PCDHGC3: variants seen among roughly 807,000 people sequenced by gnomAD.
PCDHGC3 encodes the protein protocadherin gamma subfamily C, 3.
Under a neutral mutation model 59.2 loss-of-function variants are expected in PCDHGC3, and 26 were observed. The observed-to-expected ratio is 0.44, with a 90% confidence interval of 0.32 to 0.61. The LOEUF (loss-of-function observed/expected upper bound fraction) is 0.61. Among genes scored for constraint, PCDHGC3 ranks in the 20% least tolerant of loss-of-function variants. PCDHGC3 has a pLI of 0.05. For missense variants in PCDHGC3, 1,080 were observed against 1,221.8 expected, an observed-to-expected ratio of 0.88 and a Z score of 1.73; for synonymous variants, 487 against 519.7, an observed-to-expected ratio of 0.94 and a Z score of 0.86.
chr5:141,477,052 C>T lies in PCDHGC3; in HGVS notation c.936C>T (p.Phe312=). Residue 312 remains phenylalanine (F), a synonymous_variant, in exon 1 of 4, where the codon TTC becomes TTT. Coordinates refer to ENST00000308177, the MANE Select transcript of PCDHGC3 (RefSeq NM_002588.4). The surrounding 1 kb of genome is among the most constrained non-coding windows in gnomAD (Gnocchi z 4.9). ...TGACAATCAAGGGTCGGCTGGACTT[C>T]GAGGACACCAAACTCCATGAGATTT... ...GMLTIKGRLD[F]EDTKLHEIYI... 1.2e-6 allele frequency: 2 copies of T among 1,614,240 alleles called. No individual in the cohort carries two copies. The highest frequency in any genetic ancestry group is 1.7e-6 in the Non-Finnish European group (2 of 1,180,032).
chr5:141,500,883 T>G (rs1250275850), intron 2 of PCDHGC3, among the ~76,000 whole-genome samples: 2 of 97,532 alleles, frequency 2.1e-5, no homozygotes, highest in African/African-American at 1.2e-4. Context: ...TACAATTTTT[T>G]TTTTTTGAGA....
Position 141,489,268 on chromosome 5 carries a change from G to T in PCDHGC3, c.2431-5539G>T. On this transcript the variant is annotated intron_variant, in intron 1 of 3. Transcript: ENST00000308177. This position sits in a 1 kb window ranked among gnomAD's most constrained non-coding sequence, Gnocchi z 4.5. The stretch of plus-strand genomic sequence containing the variant: ...GGGGCCCAAGACACTCCCACAGCTC[G>T]CTGGGAAATGGCAAGTGCTGTGCAT... The T allele has an allele frequency of 3.9e-6, 6 of 1,553,284 alleles. No homozygotes were observed. The South Asian group carries it at 5.0e-5, about 13-fold the overall frequency.
chr5:141,510,323 C>A (rs1173679711), intron 3 of PCDHGC3, among the ~76,000 whole-genome samples: 1 of 151,234 alleles, frequency 6.6e-6, no homozygotes, highest in East Asian at 2.0e-4. Flanking sequence ...TGGAAGAGCA[C>A]TCTTCACCCC....
rs768509409 is a variant in PCDHGC3 at position 141,489,236 on chromosome 5, G to C, written c.2431-5571G>C. 1 of 1,531,176 alleles carries C rather than the reference G, an allele frequency of 6.5e-7. No homozygotes were observed. 94.8% of individuals were successfully genotyped at this position (1,531,176 alleles called of 1,614,324 possible). On this transcript the variant is annotated intron_variant, in intron 1 of 3. Transcript: ENST00000308177. The surrounding 1 kb of genome is among the most constrained non-coding windows in gnomAD (Gnocchi z 4.5). The stretch of plus-strand genomic sequence containing the variant: ...ACTTACTCTCCACAAAGGGACTTCT[G>C]GGTCATGGGGCCCAAGACACTCCCA...
At position 141,489,385 on chromosome 5, in the gene PCDHGC3, G is replaced by C. The variant is rs893348832; in HGVS notation, c.2431-5422G>C. The stretch of plus-strand genomic sequence containing the variant: ...GCCGGGGACGCTGGTGGGGAATGTT[G>C]CTCAGGATCTGGGCTTAAAGATGAC... On this transcript the variant is annotated intron_variant, in intron 1 of 3. Transcript: ENST00000308177. This position sits in a 1 kb window ranked among gnomAD's most constrained non-coding sequence, Gnocchi z 4.5. The C allele has an allele frequency of 6.2e-7, 1 of 1,613,924 alleles. No individual in the cohort carries two copies. Among genetic ancestry groups the C allele is most frequent in the Non-Finnish European group, 8.5e-7 (1 of 1,179,896 alleles).
intron 3 of PCDHGC3, chr5:141,507,335 T>A (rs1228652205): frequency 6.6e-6 from 1 of 151,804 alleles, no homozygotes; most frequent in Non-Finnish European, 1.5e-5. Context: ...TGCTCATTGT[T>A]TACCTGAAAT....
rs2099391466 is a variant in PCDHGC3, at chr5:141,476,424, C to T, written c.308C>T (p.Ser103Phe). ...DREELCGTLP[S>F]CTVTLELVVE... ...GAGGAGCTGTGTGGGACACTGCCCT[C>T]TTGCACTGTAACTCTGGAGTTGGTA... is the stretch of plus-strand genomic sequence containing the variant. The change falls in exon 1 of 4, where the codon TCT becomes TTT. Residue 103 changes from serine to phenylalanine, a missense_variant. Coordinates refer to ENST00000308177, the MANE Select transcript of PCDHGC3 (RefSeq NM_002588.4). This position sits in a 1 kb window ranked among gnomAD's most constrained non-coding sequence, Gnocchi z 7.6. 1 of 1,613,978 alleles carries T rather than the reference C, an allele frequency of 6.2e-7. No individual in the cohort carries two copies. The highest frequency in any genetic ancestry group is 1.1e-5 in the South Asian group (1 of 91,076).
Position 141,511,103 on chromosome 5 carries a change from A to G in PCDHGC3, c.2735A>G (p.Lys912Arg), listed in dbSNP as rs779731716. The G allele has an allele frequency of 6.2e-7, 1 of 1,614,214 alleles. No individual in the cohort carries two copies. The highest frequency in any genetic ancestry group is 8.5e-7 in the Non-Finnish European group (1 of 1,180,026). The change falls in exon 4 of 4, where the codon AAG becomes AGG. Residue 912 changes from lysine to arginine, a missense_variant. By Grantham distance (26) the Lys-to-Arg change is conservative. Coordinates refer to ENST00000308177, the MANE Select transcript of PCDHGC3 (RefSeq NM_002588.4). ...SNATLTNAAGKRDGKAPAGGN... is the reference protein window; with the variant it reads ...SNATLTNAAGRRDGKAPAGGN... ...GCCACACTGACCAACGCAGCTGGCA[A>G]GCGGGATGGCAAGGCCCCAGCAGGT...
Position 141,478,104 on chromosome 5 carries a change from CTG to C in PCDHGC3, c.1992_1993del (p.Val666AsnfsTer6). ...TCGCTCTCCACCACTGCTACCCTCA[CTG>C]TGTCAGTAACCGAGGACTCTCCTGA... On this transcript the variant is annotated frameshift_variant, in exon 1 of 4. Transcript: ENST00000308177. LOFTEE classifies it high-confidence loss of function. 6.2e-7 allele frequency: 1 copy of C among 1,614,118 alleles called. No individual in the cohort carries two copies. The highest frequency in any genetic ancestry group is 1.6e-4 in the Middle Eastern group (1 of 6,062).
At position 141,487,571 on chromosome 5, in the gene PCDHGC3, G is replaced by A; in HGVS notation, c.2431-7236G>A. The A allele has an allele frequency of 4.3e-6, 7 of 1,614,178 alleles. No individual in the cohort carries two copies. The highest frequency in any genetic ancestry group is 5.9e-6 in the Non-Finnish European group (7 of 1,180,038). On this transcript the variant is annotated intron_variant, in intron 1 of 3. Coordinates refer to ENST00000308177, the MANE Select transcript of PCDHGC3 (RefSeq NM_002588.4). This position sits in a 1 kb window ranked among gnomAD's most constrained non-coding sequence, Gnocchi z 5.0. ...CAGTGCACCTATGGCAGGGGAGCCTGTTCGCCCAAGCTGCCCACCCTCTGA... is the reference window on the plus strand; with the variant it reads ...CAGTGCACCTATGGCAGGGGAGCCTATTCGCCCAAGCTGCCCACCCTCTGA...
At position 141,489,318 on chromosome 5, in the gene PCDHGC3, G is replaced by T; in HGVS notation, c.2431-5489G>T. On this transcript the variant is annotated intron_variant, in intron 1 of 3. Coordinates refer to ENST00000308177, the MANE Select transcript of PCDHGC3 (RefSeq NM_002588.4). The surrounding 1 kb of genome is among the most constrained non-coding windows in gnomAD (Gnocchi z 4.5). ...TGTTGTCCTTGTGCTGCTGGGGCTG[G>T]GTGTCTGGGCAGCTTCGTTACTCAG... The T allele has an allele frequency of 6.3e-7, 1 of 1,599,092 alleles. No homozygotes were observed. Among genetic ancestry groups the T allele is most frequent in the Non-Finnish European group, 8.5e-7 (1 of 1,171,660 alleles).
At position 141,476,675 on chromosome 5, in the gene PCDHGC3, C is replaced by T. The variant is rs2099395961; in HGVS notation, c.559C>T (p.Arg187Trp). Residue 187 changes from arginine to tryptophan, a missense_variant, in exon 1 of 4, where the codon CGG becomes TGG. By Grantham distance (101) the Arg-to-Trp change is moderately radical. Transcript: ENST00000308177. The surrounding 1 kb of genome is among the most constrained non-coding windows in gnomAD (Gnocchi z 7.6). ...ATACTTTGCGCTTCGCGTGCAGACG[C>T]GGGAGGACAGCACCAAGTACGCGGA... ...NEYFALRVQTREDSTKYAELV... is the reference protein window; with the variant it reads ...NEYFALRVQTWEDSTKYAELV... 1.2e-6 allele frequency: 2 copies of T among 1,614,124 alleles called. No homozygotes were observed. The highest frequency in any genetic ancestry group is 8.5e-7 in the Non-Finnish European group (1 of 1,180,062).
chr5:141,495,005 C>T (rs555909709), intron 2 of PCDHGC3, 140 bp downstream of exon 2: 1,141 of 1,522,692 alleles, frequency 7.5e-4, no homozygotes, highest in Non-Finnish European at 8.4e-4. Context: ...TCTTGGTGTG[C>T]GGGGGGCTGG....
rs1453835891 is a variant in PCDHGC3 at position 141,477,494 on chromosome 5, T to G, written c.1378T>G (p.Ser460Ala). Residue 460 changes from serine to alanine, a missense_variant, in exon 1 of 4, where the codon TCT (serine) becomes GCT (alanine). Coordinates refer to ENST00000308177, the MANE Select transcript of PCDHGC3 (RefSeq NM_002588.4). The surrounding 1 kb of genome is among the most constrained non-coding windows in gnomAD (Gnocchi z 4.9). ...INDNPPQSSQSSYDVYIEENN... is the reference protein window; with the variant it reads ...INDNPPQSSQASYDVYIEENN... ...TGACAACCCTCCACAATCTTCTCAA[T>G]CTTCCTACGACGTTTACATTGAAGA... 1 of 1,614,088 alleles carries G rather than the reference T, an allele frequency of 6.2e-7. No individual in the cohort carries two copies.
At position 141,490,558 on chromosome 5, in the gene PCDHGC3, A is replaced by G. The variant is rs765890709; in HGVS notation, c.2431-4249A>G. 3.1e-5 allele frequency: 50 copies of G among 1,614,042 alleles called. No individual in the cohort carries two copies. The East Asian group carries it at 1.0e-3, about 34-fold the overall frequency. ...ACCTTCCCTACACAAACATCTCACC[A>G]TCAGGCTCAACATTTCAGATGTCAA... On this transcript the variant is annotated intron_variant, in intron 1 of 3. Transcript: ENST00000308177. This position sits in a 1 kb window ranked among gnomAD's most constrained non-coding sequence, Gnocchi z 5.4.
At position 141,485,359 on chromosome 5, in the gene PCDHGC3, C is replaced by G. The variant is rs1233826208; in HGVS notation, c.2430+6813C>G. 6.2e-7 allele frequency: 1 copy of G among 1,614,026 alleles called. No individual in the cohort carries two copies. The highest frequency in any genetic ancestry group is 8.5e-7 in the Non-Finnish European group (1 of 1,180,018). On this transcript the variant is annotated intron_variant, in intron 1 of 3. Transcript: ENST00000308177. This position sits in a 1 kb window ranked among gnomAD's most constrained non-coding sequence, Gnocchi z 5.7. ...TGGATACGGACAGTCTGTCAGCTCG[C>G]AGGCTGCAGGTCGCTGGAGAGGTGA...
chr5:141,493,021 G>C lies in PCDHGC3; in HGVS notation c.2431-1786G>C, dbSNP rs1261539371. On this transcript the variant is annotated intron_variant, in intron 1 of 3. Transcript: ENST00000308177. This position sits in a 1 kb window ranked among gnomAD's most constrained non-coding sequence, Gnocchi z 4.3. ...AGCTATAGGCTCTGCCAGATGCCAG[G>C]GTGCCCTTATGTGTGAGGAAACTAC... Among the ~76,000 whole-genome samples, 1 of 152,180 alleles carries C rather than the reference G, an allele frequency of 6.6e-6. No individual in the cohort carries two copies. The highest frequency in any genetic ancestry group is 6.5e-5 in the Admixed American group (1 of 15,284).
chr5:141,486,552 A>C lies in PCDHGC3; in HGVS notation c.2430+8006A>C. The C allele has an allele frequency of 6.2e-7, 1 of 1,614,136 alleles. No individual in the cohort carries two copies. The highest frequency in any genetic ancestry group is 1.1e-5 in the South Asian group (1 of 91,082). On this transcript the variant is annotated intron_variant, in intron 1 of 3. Coordinates refer to ENST00000308177, the MANE Select transcript of PCDHGC3 (RefSeq NM_002588.4). This position sits in a 1 kb window ranked among gnomAD's most constrained non-coding sequence, Gnocchi z 5.0. The stretch of plus-strand genomic sequence containing the variant: ...CCACCCTCTTTCTTTCAGAGGTCAC[A>C]TGAGGTGTTTGTTCCTGAGAACAAT...
rs779792543 is a variant in PCDHGC3 at position 141,486,994 on chromosome 5, C to T, written c.2431-7813C>T. ...ATTCAGGTTACAATGCTTGGGTTTCCTATCAGCTCCTGGAGGCCCCAGATC... is the reference window on the plus strand; with the variant it reads ...ATTCAGGTTACAATGCTTGGGTTTCTTATCAGCTCCTGGAGGCCCCAGATC... On this transcript the variant is annotated intron_variant, in intron 1 of 3. Coordinates refer to ENST00000308177, the MANE Select transcript of PCDHGC3 (RefSeq NM_002588.4). This position sits in a 1 kb window ranked among gnomAD's most constrained non-coding sequence, Gnocchi z 5.0. The T allele has an allele frequency of 6.2e-7, 1 of 1,614,214 alleles. No individual in the cohort carries two copies. The highest frequency in any genetic ancestry group is 8.5e-7 in the Non-Finnish European group (1 of 1,180,034).
Sources: allele counts gnomAD v4.1 joint callset (sites outside exome capture counted in the v4.1 genomes callset), GRCh38; gene constraint gnomAD v4.1.1; non-coding constraint Gnocchi (gnomAD v3.1); transcripts MANE v1.5; gene names NCBI Gene and HGNC (gene_info 2026-07-23, HGNC 2026-07-21).